CSMD1: variants seen among roughly 807,000 people sequenced by gnomAD.
CSMD1 encodes CUB and Sushi multiple domains 1, also known as CUB and sushi domain-containing protein 1.
In CSMD1, 213 loss-of-function variants were observed where a neutral mutation model predicts 417.5. The observed-to-expected ratio is 0.51, with a 90% CI of 0.46 to 0.57. CSMD1 has a LOEUF of 0.57. CSMD1 is among the 20% of genes least tolerant of loss of function. The pLI is 0.00. For synonymous variants in CSMD1, 2,862 were observed against 1,736.8 expected (o/e 1.65, Z -16.11); for missense variants, 6,923 against 4,529.7 (o/e 1.53, Z -15.17).
At chr8:4,725,953 A>T (rs1320042256) in intron 1 of CSMD1, among the ~76,000 whole-genome samples, 1 of 152,140 alleles carries the variant, frequency 6.6e-6, no homozygotes, top group Non-Finnish European at 1.5e-5. Context: ...GGCATTCGTC[A>T]AGAAGTTATT....
intron 42 of CSMD1, chr8:3,113,293 G>A (rs1314098305): frequency 6.6e-6 from 1 of 152,224 alleles, no homozygotes; most frequent in Non-Finnish European, 1.5e-5. Context: ...AAGGGATAGA[G>A]AGGCTACACT....
chr8:4,359,917 T>C (rs1454352319), intron 3 of CSMD1, among the ~76,000 whole-genome samples: 1 of 152,180 alleles, frequency 6.6e-6, no homozygotes, highest in Non-Finnish European at 1.5e-5. Context: ...GTTTAAAACA[T>C]CAACGTTCAG....
intron 3 of CSMD1, among the ~76,000 whole-genome samples, chr8:4,120,901 T>C (rs1563149972): frequency 6.6e-6 from 1 of 152,168 alleles, no homozygotes; most frequent in South Asian, 2.1e-4. Context: ...CCATGGAATT[T>C]ATTTAGGAAT....
At chr8:4,984,292 G>C (rs757262401) in intron 1 of CSMD1, among the ~76,000 whole-genome samples, 2 of 152,182 alleles carry the variant, frequency 1.3e-5, no homozygotes, top group Non-Finnish European at 2.9e-5. Flanking sequence ...ACAAACATAT[G>C]ACCCCTTGGC....
intron 3 of CSMD1, among the ~76,000 whole-genome samples, chr8:4,056,782 G>C (rs6987046): frequency 0.092 from 13,967 of 151,872 alleles, 812 homozygotes; most frequent in Admixed American, 0.17. Context: ...GAGAACATGC[G>C]GTGTTTCGTT....
intron 5 of CSMD1, among the ~76,000 whole-genome samples, chr8:3,778,981 C>T (rs755067810): frequency 4.6e-5 from 7 of 152,120 alleles, no homozygotes; most frequent in South Asian, 2.1e-4. Context: ...TTTTCATTTG[C>T]AGCACTTTTT....
intron 2 of CSMD1, among the ~76,000 whole-genome samples, chr8:4,545,022 T>C (rs1797569123): frequency 6.6e-6 from 1 of 152,252 alleles, no homozygotes; most frequent in Admixed American, 6.5e-5. Flanking sequence ...CGCACGTATC[T>C]GAATGCATGC....
intron 17 of CSMD1, among the ~76,000 whole-genome samples, chr8:3,388,624 A>G (rs555012807): frequency 6.6e-6 from 1 of 152,332 alleles, no homozygotes; most frequent in African/African-American, 2.4e-5. Flanking sequence ...TTATTTTTCC[A>G]AAATTTGAGT....
intron 3 of CSMD1, among the ~76,000 whole-genome samples, chr8:4,053,568 C>G (rs1023969280): frequency 6.6e-6 from 1 of 152,068 alleles, no homozygotes; most frequent in African/African-American, 2.4e-5. Flanking sequence ...CAAGCTGGTC[C>G]TCAATTTCCA....
At chr8:3,207,384 C>T (rs1007843674) in intron 30 of CSMD1, among the ~76,000 whole-genome samples, 1 of 151,544 alleles carries the variant, frequency 6.6e-6, no homozygotes, top group African/African-American at 2.4e-5. Flanking sequence ...ACCTCATGAT[C>T]CGCATGGCTC....
At chr8:3,352,300 A>C (rs761433724) in intron 21 of CSMD1, among the ~76,000 whole-genome samples, 1 of 152,220 alleles carries the variant, frequency 6.6e-6, no homozygotes, top group African/African-American at 2.4e-5. Flanking sequence ...ACCAGGTTGC[A>C]GGGAATGCCC....
At chr8:4,238,181 G>GC (rs1440999130) in intron 3 of CSMD1, among the ~76,000 whole-genome samples, 77 of 152,222 alleles carry the variant, frequency 5.1e-4, no homozygotes, top group African/African-American at 1.8e-3. Context: ...ATCTTAGAAT[G>GC]CCAAGTACGT....
At chr8:3,933,765 T>A (rs1381320321) in intron 5 of CSMD1, among the ~76,000 whole-genome samples, 1 of 152,214 alleles carries the variant, frequency 6.6e-6, no homozygotes, top group South Asian at 2.1e-4. Context: ...ATTTAGGTTT[T>A]ATATATTTTC....
chr8:4,702,138 G>A (rs972358295), intron 1 of CSMD1, among the ~76,000 whole-genome samples: 1 of 152,148 alleles, frequency 6.6e-6, no homozygotes, highest in Admixed American at 6.5e-5. Context: ...AGAGCACTAG[G>A]AAAAATAGCT....
At chr8:3,903,654 C>T (rs555137321) in intron 5 of CSMD1, among the ~76,000 whole-genome samples, 3 of 152,040 alleles carry the variant, frequency 2.0e-5, no homozygotes, top group Non-Finnish European at 4.4e-5. Context: ...GTTCTTGTTC[C>T]TTACAAATTG....
intron 3 of CSMD1, among the ~76,000 whole-genome samples, chr8:4,168,060 C>A (rs1220543830): frequency 6.6e-6 from 1 of 151,704 alleles, no homozygotes; most frequent in African/African-American, 2.4e-5. Flanking sequence ...AACCAGGAGG[C>A]AGAAGTTGTA....
At position 3,656,388 on chromosome 8, in the gene CSMD1, C is replaced by CTT. The variant is rs142662430; in HGVS notation, c.1010-39593_1010-39592dup. Among the ~76,000 whole-genome samples the CTT allele has an allele frequency of 9.2e-5, 14 of 151,782 alleles. No homozygotes were observed. The East Asian group carries it at 1.2e-3, about 13-fold the overall frequency. On this transcript the variant is annotated intron_variant, in intron 7 of 69. Transcript: ENST00000635120. The stretch of plus-strand genomic sequence containing the variant: ...ATTTGATAGATGACACCTGCTTTCT[C>CTT]TTTTTTTTTCCTCTCAGTGCATCAC...
At chr8:3,165,831 T>G (rs1041557977) in intron 37 of CSMD1, among the ~76,000 whole-genome samples, 1 of 152,068 alleles carries the variant, frequency 6.6e-6, no homozygotes, top group Non-Finnish European at 1.5e-5. Flanking sequence ...AACTCTGAGC[T>G]TTTTGGGAAT....
At chr8:3,160,652 T>A (rs973642329) in intron 38 of CSMD1, among the ~76,000 whole-genome samples, 1 of 152,232 alleles carries the variant, frequency 6.6e-6, no homozygotes, top group Non-Finnish European at 1.5e-5. Flanking sequence ...AAGTGGTAGG[T>A]TTGTTCTTAC....
Sources: gnomAD v4.1 joint callset for allele counts (sites outside exome capture counted in the v4.1 genomes callset) on GRCh38, gnomAD v4.1.1 for gene constraint, MANE v1.5 for transcripts, NCBI Gene and HGNC (gene_info 2026-07-23, HGNC 2026-07-21) for gene names.